The following SCAF4 variants were observed in gnomAD, a reference collection of about 807,000 sequenced individuals.
SCAF4 encodes SR-related CTD associated factor 4, also known as SR-related and CTD-associated factor 4.
A neutral mutation model predicts 129.8 loss-of-function variants in SCAF4; 25 were observed. That is an observed-to-expected ratio of 0.19 (90% CI 0.14 to 0.27). The LOEUF is 0.27. Among genes scored for constraint, SCAF4 ranks in the 10% least tolerant of loss-of-function variants. The pLI, the probability that SCAF4 is intolerant of heterozygous loss-of-function variation, is 1.00. For synonymous variants in SCAF4, 551 were observed against 497.7 expected, an observed-to-expected ratio of 1.11 and a Z score of -1.43; for missense variants, 1,246 against 1,457.1, an observed-to-expected ratio of 0.86 and a Z score of 2.36.
In SCAF4 at chr21:31,732,088, C is replaced by A; in HGVS notation, c.-396G>T. 2.4e-6 allele frequency: 1 copy of A among 408,230 alleles called. No homozygotes were observed. The highest frequency in any genetic ancestry group is 4.3e-6 in the Non-Finnish European group (1 of 233,126). The allele number at this position is 408,230 out of a possible 1,614,324, so 25.3% of individuals were successfully genotyped here. On this transcript the variant is annotated 5_prime_UTR_variant, in exon 1 of 20. Transcript: ENST00000286835. ...CCTCTCTCCAGCGGGATGGCGGCAG[C>A]GGCCCGAGTCCACGCCGCGCGGGGC...
At chr21:31,719,719 G>T (rs1250450258) in intron 1 of SCAF4, among the ~76,000 whole-genome samples, 1 of 152,066 alleles carries the variant, frequency 6.6e-6, no homozygotes, top group Non-Finnish European at 1.5e-5. Context: ...GGTCAGGCTG[G>T]TCTCGAACTC....
At chr21:31,681,355 C>A (rs1209755208) in intron 19 of SCAF4, among the ~76,000 whole-genome samples, 1 of 152,168 alleles carries the variant, frequency 6.6e-6, no homozygotes, top group Admixed American at 6.5e-5. Flanking sequence ...ATAGGTAACA[C>A]AAACAAACAT....
chr21:31,680,389 C>T (rs1270249935), intron 19 of SCAF4, among the ~76,000 whole-genome samples: 1 of 152,142 alleles, frequency 6.6e-6, no homozygotes, highest in Non-Finnish European at 1.5e-5. Flanking sequence ...AGGTTATATA[C>T]TAAGTTGAAG....
At chr21:31,719,255 A>ACTCTAGC (rs2051012715) in intron 1 of SCAF4, among the ~76,000 whole-genome samples, 1 of 152,046 alleles carries the variant, frequency 6.6e-6, no homozygotes, top group South Asian at 2.1e-4. Context: ...ACGCCATCGC[A>ACTCTAGC]CTCTAGCCTG....
intron 1 of SCAF4, among the ~76,000 whole-genome samples, chr21:31,718,228 G>A (rs2050986751): frequency 6.6e-6 from 1 of 152,132 alleles, no homozygotes; most frequent in Non-Finnish European, 1.5e-5. Context: ...TTACAGGCGT[G>A]AGGCACTGTG....
At position 31,701,833 on chromosome 21, in the gene SCAF4, G is replaced by A; in HGVS notation, c.543C>T (p.Pro181=). The A allele has an allele frequency of 1.2e-6, 2 of 1,614,106 alleles. No individual in the cohort carries two copies. Among genetic ancestry groups the A allele is most frequent in the Non-Finnish European group, 8.5e-7 (1 of 1,180,002 alleles). ...PNSVPAVPQL[P]SSDAFAAVAQ... ...CCACAGCAGCAAAAGCATCAGAGCTGGGCAACTGTGGTACAGCTGGGACGG... is the reference window on the plus strand; with the variant it reads ...CCACAGCAGCAAAAGCATCAGAGCTAGGCAACTGTGGTACAGCTGGGACGG... The change falls in exon 6 of 20, where the codon CCC becomes CCT. Residue 181 remains proline, a synonymous_variant. Transcript: ENST00000286835.
chr21:31,704,978 T>C (rs759898608), intron 3 of SCAF4, among the ~76,000 whole-genome samples: 4 of 152,196 alleles, frequency 2.6e-5, no homozygotes, highest in Non-Finnish European at 4.4e-5. Context: ...GTTTTCTATT[T>C]TCTACTGAGA....
At chr21:31,692,032 G>T in intron 13 of SCAF4, 102 bp from the exon 14 acceptor site, 1 of 632,136 alleles carries the variant, frequency 1.6e-6, no homozygotes, top group Non-Finnish European at 2.7e-6. Context: ...CTCACCCCAT[G>T]CTATATAATG....
intron 16 of SCAF4, among the ~76,000 whole-genome samples, chr21:31,686,522 T>C (rs1437987571): frequency 6.6e-6 from 1 of 152,142 alleles, no homozygotes; most frequent in Non-Finnish European, 1.5e-5. Flanking sequence ...CCACACATAA[T>C]TATGCAGATT....
At position 31,714,078 on chromosome 21, in the gene SCAF4, A is replaced by G. The variant is rs371676455; in HGVS notation, c.31-7721T>C. The stretch of plus-strand genomic sequence containing the variant: ...CTGGCCATGCAGATGACTCTGGGCA[A>G]ATTAATTTCTCTAAGCCATAATGTC... On this transcript the variant is annotated intron_variant, in intron 1 of 19. Coordinates refer to ENST00000286835, the MANE Select transcript of SCAF4 (RefSeq NM_020706.2). 3.7e-4 allele frequency among the ~76,000 whole-genome samples: 57 copies of G among 152,284 alleles called. 2 individuals are homozygous for G. In the South Asian group the frequency reaches 0.011, roughly 30 times the overall value.
chr21:31,694,745 T>G, intron 10 of SCAF4, 68 bp downstream of exon 10: 1 of 1,461,064 alleles, frequency 6.8e-7, no homozygotes. Context: ...AGCAAGCAAA[T>G]AAGGAGAAAT....
At chr21:31,693,607 A>C (rs1028076102) in intron 11 of SCAF4, 123 bp from the exon 12 acceptor site, 9 of 492,716 alleles carry the variant, frequency 1.8e-5, no homozygotes, top group Non-Finnish European at 3.0e-5. Flanking sequence ...TAAGAATGCA[A>C]TACCTGAGAA....
intron 1 of SCAF4, among the ~76,000 whole-genome samples, chr21:31,713,731 T>A (rs919783728): frequency 1.8e-5 from 1 of 54,600 alleles, no homozygotes; most frequent in African/African-American, 7.1e-5. Flanking sequence ...AAATTTCTCA[T>A]GGGCAAACCG....
intron 19 of SCAF4, among the ~76,000 whole-genome samples, chr21:31,683,709 G>GAA (rs1203083328): frequency 5.6e-4 from 80 of 141,768 alleles, no homozygotes; most frequent in African/African-American, 1.9e-3. Flanking sequence ...ATGTTAATAT[G>GAA]AAAAAAAAAA....
chr21:31,675,816 C>T (rs2049839327), intron 19 of SCAF4, among the ~76,000 whole-genome samples: 1 of 152,040 alleles, frequency 6.6e-6, no homozygotes, highest in African/African-American at 2.4e-5. Context: ...TGGGGAGACA[C>T]CATTGCCATC....
At chr21:31,676,299 T>TA (rs2049854166) in intron 19 of SCAF4, among the ~76,000 whole-genome samples, 1 of 152,186 alleles carries the variant, frequency 6.6e-6, no homozygotes, top group Non-Finnish European at 1.5e-5. Flanking sequence ...CCCCACTCTT[T>TA]ACCTGCTTCT....
chr21:31,692,221 G>GT, intron 13 of SCAF4, 128 bp downstream of exon 13: 1 of 662,340 alleles, frequency 1.5e-6, no homozygotes, highest in Non-Finnish European at 2.7e-6. Context: ...CGTGGACTCT[G>GT]AACACCTAAA....
intron 1 of SCAF4, among the ~76,000 whole-genome samples, chr21:31,719,420 C>T (rs952089258): frequency 6.6e-5 from 10 of 152,090 alleles, no homozygotes; most frequent in African/African-American, 2.4e-4. Context: ...CCATTTACTC[C>T]GGGCAGAACT....
At chr21:31,688,114 CAAAAAAAAAAAA>C (rs61592268) in intron 16 of SCAF4, among the ~76,000 whole-genome samples, 181 bp downstream of exon 16, 853 of 10,898 alleles carry the variant, frequency 0.078, 20 homozygotes, top group South Asian at 0.3. Flanking sequence ...GACTCTGTCT[CAAAAAAAAAAAA>C]AAAAAAAAAA....
Sources: gnomAD v4.1 joint callset for allele counts (sites outside exome capture counted in the v4.1 genomes callset) on GRCh38, gnomAD v4.1.1 for gene constraint, MANE v1.5 for transcripts, NCBI Gene and HGNC (gene_info 2026-07-23, HGNC 2026-07-21) for gene names.